KMT2C: variants seen among roughly 807,000 people sequenced by gnomAD.
The protein encoded by KMT2C is lysine methyltransferase 2C.
A neutral mutation model predicts 507.9 loss-of-function variants in KMT2C; 88 were observed. That is an observed-to-expected ratio of 0.17 (90% CI 0.15 to 0.21). The LOEUF is 0.21. Among genes scored for constraint, KMT2C ranks in the 10% least tolerant of loss-of-function variants. The probability of loss-of-function intolerance (pLI) is 1.00; values close to 1 mark genes in which losing one functional copy is unlikely to be tolerated. For missense variants in KMT2C, 4,954 were observed against 5,957.8 expected (o/e 0.83, Z 5.55); for synonymous variants, 2,049 against 2,080.8 (o/e 0.98, Z 0.42).
rs1163925630 is a variant in KMT2C, at chr7:152,395,720, C to G, written c.162-37045G>C. On this transcript the variant is annotated intron_variant, in intron 1 of 58. Coordinates refer to ENST00000262189, the MANE Select transcript of KMT2C (RefSeq NM_170606.3). ...ACAGGGTTTCACCATGTTGGCCAGG[C>G]TGGTCTCAAACTCCTGACCTCAAGT... Among the ~76,000 whole-genome samples the G allele has an allele frequency of 3.3e-5, 5 of 152,124 alleles. No individual in the cohort carries two copies. The East Asian group carries it at 9.6e-4, about 29-fold the overall frequency.
At chr7:152,161,615 C>T (rs1261445948) in intron 43 of KMT2C, among the ~76,000 whole-genome samples, 1 of 152,112 alleles carries the variant, frequency 6.6e-6, no homozygotes, top group East Asian at 1.9e-4. Context: ...AAAATTGATA[C>T]ATGGAAAACT....
At position 152,135,791 on chromosome 7, in the gene KMT2C, A is replaced by C; in HGVS notation, c.*1041T>G. The C allele has an allele frequency of 4.3e-6, 1 of 230,204 alleles. No individual in the cohort carries two copies. Among genetic ancestry groups the C allele is most frequent in the East Asian group, 6.3e-5 (1 of 16,000 alleles). The allele number at this position is 230,204 out of a possible 1,614,324, so 14.3% of individuals were successfully genotyped here. A position where few individuals can be genotyped will look rare whatever the true frequency, so the allele number is the denominator to read the frequency against. Reference sequence around the variant, plus strand: ...GAAAAAATTAGTTTAAATTACCAAAACAGCTATAAAAGTTGTAGTCGTAGC... The same window carrying C: ...GAAAAAATTAGTTTAAATTACCAAACCAGCTATAAAAGTTGTAGTCGTAGC... On this transcript the variant is annotated 3_prime_UTR_variant, in exon 59 of 59. Coordinates refer to ENST00000262189, the MANE Select transcript of KMT2C (RefSeq NM_170606.3).
chr7:152,144,255 G>C lies in KMT2C; in HGVS notation c.14343+458C>G, dbSNP rs1015788902. Among the ~76,000 whole-genome samples the C allele has an allele frequency of 1.3e-5, 2 of 152,172 alleles. No individual in the cohort carries two copies. On this transcript the variant is annotated intron_variant, in intron 55 of 58. Coordinates refer to ENST00000262189, the MANE Select transcript of KMT2C (RefSeq NM_170606.3). The surrounding 1 kb of genome is among the most constrained non-coding windows in gnomAD (Gnocchi z 4.4). ...AAACTTAAATGCTTAGCCTATACAC[G>C]GCCTTACTTGTAAGATAGTCCACAG...
At chr7:152,419,565 G>A (rs928871435) in intron 1 of KMT2C, among the ~76,000 whole-genome samples, 9 of 152,056 alleles carry the variant, frequency 5.9e-5, no homozygotes, top group East Asian at 1.9e-4. Flanking sequence ...AGTTGTTGCC[G>A]GTTATTTTTC....
chr7:152,364,228 A>G (rs2129236477), intron 1 of KMT2C, among the ~76,000 whole-genome samples: 1 of 152,358 alleles, frequency 6.6e-6, no homozygotes, highest in East Asian at 1.9e-4. Context: ...TATGCGCAAG[A>G]ATGTAAAGAA....
chr7:152,163,376 T>C lies in KMT2C; in HGVS notation c.10201A>G (p.Lys3401Glu). 1 of 1,614,228 alleles carries C rather than the reference T, an allele frequency of 6.2e-7. No individual in the cohort carries two copies. The highest frequency in any genetic ancestry group is 1.1e-5 in the South Asian group (1 of 91,086). The change falls in exon 43 of 59, where the codon AAG (lysine) becomes GAG (glutamate). Residue 3401 changes from lysine (K) to glutamate (E), a missense_variant. This residue lies in a region of KMT2C where 801 missense variants were observed against 751.2 expected (regional missense o/e 1.07). Coordinates refer to ENST00000262189, the MANE Select transcript of KMT2C (RefSeq NM_170606.3). ...FSESFQERER[K>E]ERLREQQERQ... is the part of the protein sequence containing the mutation. ...TCTTGCTGTTCTCGTAAACGTTCCT[T>C]ACGTTCCCGTTCTTGAAAACTTTCA...
Position 152,270,455 on chromosome 7 carries a change from G to A in KMT2C, c.1012+3250C>T, listed in dbSNP as rs928951650. 3.9e-5 allele frequency among the ~76,000 whole-genome samples: 6 copies of A among 152,156 alleles called. No individual in the cohort carries two copies. In the South Asian group the frequency reaches 6.2e-4, roughly 16 times the overall value. ...TTGCAAAGACTTCTCATTGCAGACC[G>A]AATAGAACCCAAACTCCTTCCCTTG... On this transcript the variant is annotated intron_variant, in intron 7 of 58. Coordinates refer to ENST00000262189, the MANE Select transcript of KMT2C (RefSeq NM_170606.3).
At chr7:152,139,861 G>A in intron 55 of KMT2C, 70 bp from the exon 56 acceptor site, 7 of 1,101,402 alleles carry the variant, frequency 6.4e-6, no homozygotes. Flanking sequence ...TCATACAAAG[G>A]TTTCACCCTC....
At chr7:152,418,937 T>C (rs1257148030) in intron 1 of KMT2C, among the ~76,000 whole-genome samples, 1 of 151,750 alleles carries the variant, frequency 6.6e-6, no homozygotes, top group East Asian at 1.9e-4. Context: ...CTGATGTCTA[T>C]AATTTCGGCA....
chr7:152,393,621 A>AAAAATCTGTTGGCC (rs559235785), intron 1 of KMT2C, among the ~76,000 whole-genome samples: 326 of 152,318 alleles, frequency 2.1e-3, no homozygotes, highest in African/African-American at 7.6e-3. Flanking sequence ...GATTTAAGAA[A>AAAAATCTGTTGGCC]AAAATCTGTT....
rs370129110 is a variant in KMT2C at position 152,163,246 on chromosome 7, C to T, written c.10331G>A (p.Ser3444Asn). The change falls in exon 43 of 59, where the codon AGT becomes AAT. Residue 3444 changes from serine (S) to asparagine (N), a missense_variant. Coordinates refer to ENST00000262189, the MANE Select transcript of KMT2C (RefSeq NM_170606.3). ...GGGAATCTGGGACACAGATGTCCTA[C>T]TACTACTTATCTCAGAGCCCACCAT... Reference protein sequence around the residue: ...HGMVGSEISSSRTSVSQIPFY... With the variant: ...HGMVGSEISSNRTSVSQIPFY... The T allele has an allele frequency of 1.6e-5, 26 of 1,614,078 alleles. No homozygotes were observed. Among genetic ancestry groups the T allele is most frequent in the Admixed American group, 5.0e-5 (3 of 60,002 alleles).
At chr7:152,195,026 C>T (rs1035079284) in intron 28 of KMT2C, among the ~76,000 whole-genome samples, 4 of 152,002 alleles carry the variant, frequency 2.6e-5, no homozygotes, top group African/African-American at 7.2e-5. Flanking sequence ...TTAATATTAT[C>T]CTTTGTAAAT....
At chr7:152,295,095 A>T (rs545003970) in intron 6 of KMT2C, among the ~76,000 whole-genome samples, 3 of 152,326 alleles carry the variant, frequency 2.0e-5, no homozygotes, top group African/African-American at 7.2e-5. Flanking sequence ...CCTCCATCTA[A>T]TTTATAAAGA....
chr7:152,430,974 T>C (rs1305597742), intron 1 of KMT2C, among the ~76,000 whole-genome samples: 4 of 152,176 alleles, frequency 2.6e-5, no homozygotes, highest in African/African-American at 7.2e-5. Flanking sequence ...GAAACCTGAC[T>C]GTGGTCTGGG....
In KMT2C at chr7:152,163,520, G is replaced by C. The variant is rs200710945; in HGVS notation, c.10057C>G (p.Pro3353Ala). 52 of 1,613,270 alleles carry C rather than the reference G, an allele frequency of 3.2e-5. No individual in the cohort carries two copies. The highest frequency in any genetic ancestry group is 4.3e-5 in the Non-Finnish European group (51 of 1,179,388). Residue 3353 changes from proline to alanine, a missense_variant, in exon 43 of 59, where the codon CCC (proline) becomes GCC (alanine). Physicochemically the swap from Pro to Ala is conservative, Grantham distance 27. Transcript: ENST00000262189. ...TTTATTGGTAACTGGGCAATTGGGGGCTGAATTCTAGGAGGATTGAGGGGC... is the reference window on the plus strand; with the variant it reads ...TTTATTGGTAACTGGGCAATTGGGGCCTGAATTCTAGGAGGATTGAGGGGC... The part of the protein sequence containing the change: ...HLPLNPPRIQ[P>A]PIAQLPIKTC...
intron 31 of KMT2C, among the ~76,000 whole-genome samples, chr7:152,188,857 C>T (rs1449199317): frequency 6.6e-6 from 1 of 152,114 alleles, no homozygotes; most frequent in East Asian, 1.9e-4. Flanking sequence ...GATCCACCCA[C>T]CTCAGCCTCC....
Position 152,435,836 on chromosome 7 carries a change from TCCCGCCGCCGCG to T in KMT2C, c.-62_-51del. ...GATCCCGGTCCTCCTCCTGGGGGGC[TCCCGCCGCCGCG>T]GCCGCCGCCGCCGCCGCTGCTGCTC... On this transcript the variant is annotated 5_prime_UTR_variant, in exon 1 of 59. Transcript: ENST00000262189. 1 of 994,948 alleles carries T rather than the reference TCCCGCCGCCGCG, an allele frequency of 1.0e-6. No homozygotes were observed. The highest frequency in any genetic ancestry group is 1.3e-6 in the Non-Finnish European group (1 of 779,846). 61.6% of individuals were successfully genotyped at this position (994,948 alleles called of 1,614,324 possible).
At chr7:152,379,945 G>T (rs1382267059) in intron 1 of KMT2C, among the ~76,000 whole-genome samples, 1 of 152,364 alleles carries the variant, frequency 6.6e-6, no homozygotes, top group South Asian at 2.1e-4. Context: ...AAAACTAGCC[G>T]GGAATGGCTG....
At chr7:152,334,939 C>T (rs183555195) in intron 2 of KMT2C, among the ~76,000 whole-genome samples, 12 of 152,304 alleles carry the variant, frequency 7.9e-5, no homozygotes, top group African/African-American at 2.6e-4. Context: ...CCCTAATTAA[C>T]ACAGAAAACT....
Sources: gnomAD v4.1 joint callset for allele counts (sites outside exome capture counted in the v4.1 genomes callset) on GRCh38, gnomAD v4.1.1 for gene constraint, gnomAD v4.1.1 regional missense constraint, Gnocchi (gnomAD v3.1) non-coding constraint, MANE v1.5 for transcripts, NCBI Gene and HGNC (gene_info 2026-07-23, HGNC 2026-07-21) for gene names.